Variants in ZNF587 observed in about 807,000 individuals in gnomAD.
ZNF587 encodes zinc finger protein 587, also known as zinc finger protein zfp6.
A neutral mutation model predicts 7.5 loss-of-function variants in ZNF587; 8 were observed. The ratio of observed to expected loss-of-function variants is 1.06; its 90% CI spans 0.62 to 1.92. ZNF587 has a LOEUF of 1.92. ZNF587 is among the 40% of genes most tolerant of loss of function. The probability of loss-of-function intolerance (pLI) is 0.00; values close to 1 mark genes in which losing one functional copy is unlikely to be tolerated. For missense variants in ZNF587, 468 were observed against 692.8 expected, an observed-to-expected ratio of 0.68 and a Z score of 3.64; for synonymous variants, 145 against 237.8, an observed-to-expected ratio of 0.61 and a Z score of 3.59.
chr19:57,850,265 G>A, intron 1 of ZNF587, 194 bp downstream of exon 1: 2 of 856,644 alleles, frequency 2.3e-6, no homozygotes, highest in South Asian at 1.6e-5. Context: ...GCCGATTTAT[G>A]AAGACTGGGG....
Position 57,857,140 on chromosome 19 carries a change from T to A in ZNF587, c.163+907T>A, listed in dbSNP as rs537912014. 55 of 151,922 alleles carry A rather than the reference T, an allele frequency of 3.6e-4. 1 individual carries two copies. The highest frequency in any genetic ancestry group is 3.4e-3 in the Middle Eastern group (1 of 292). 9.4% of individuals were successfully genotyped at this position (151,922 alleles called of 1,614,324 possible). ...TATGTACTGGGTGTGAGATGGAGAG[T>A]CCTCCATGTTTGACAAGATGTGGTT... On this transcript the variant is annotated intron_variant, in intron 2 of 2. Transcript: ENST00000339656.
At chr19:57,852,389 CTG>C (rs1156897235) in intron 1 of ZNF587, 1 of 398,566 alleles carries the variant, frequency 2.5e-6, no homozygotes, top group Admixed American at 4.4e-5. Context: ...GTTGCATAGA[CTG>C]TGGGTTGAGG....
intron 2 of ZNF587, chr19:57,857,353 CAT>C (rs1189146265): frequency 1.3e-5 from 2 of 152,100 alleles, no homozygotes; most frequent in Non-Finnish European, 2.9e-5. Flanking sequence ...GAGAGTTTCA[CAT>C]GTGTTAGTTC....
chr19:57,850,251 C>A, intron 1 of ZNF587, 180 bp downstream of exon 1: 1 of 1,051,900 alleles, frequency 9.5e-7, no homozygotes, highest in Non-Finnish European at 1.4e-6. Context: ...GCTGCCTAGA[C>A]AGAGCCGATT....
chr19:57,852,435 C>T, intron 1 of ZNF587: 1 of 398,630 alleles, frequency 2.5e-6, no homozygotes, highest in Non-Finnish European at 4.4e-6. Context: ...AAGGCTCCTG[C>T]CATAATCCAG....
rs1600115691 is a variant in ZNF587, at chr19:57,849,907, CCT to C, written c.-131_-130del. ...GCGGGTGTTTCCCCAGTTTGTGGCC[CCT>C]GAGTGCTGGGTGGGACCGCGGTGAC... is the stretch of plus-strand genomic sequence containing the variant. On this transcript the variant is annotated 5_prime_UTR_variant, in exon 1 of 3. An upstream open reading frame in the 5' UTR loses its in-frame stop. Transcript: ENST00000339656. 1.5e-5 allele frequency: 23 copies of C among 1,565,084 alleles called. No individual in the cohort carries two copies. The East Asian group carries it at 4.8e-4, about 33-fold the overall frequency.
chr19:57,856,313 C>G lies in ZNF587; in HGVS notation c.163+80C>G. The G allele has an allele frequency of 2.0e-6, 3 of 1,528,464 alleles. No homozygotes were observed. The Admixed American group carries it at 6.3e-5, about 32-fold the overall frequency. The allele number at this position is 1,528,464 out of a possible 1,614,324, so 94.7% of individuals were successfully genotyped here. A position where few individuals can be genotyped will look rare whatever the true frequency, so the allele number is the denominator to read the frequency against. The stretch of plus-strand genomic sequence containing the variant: ...TTTTCATTGACAGGACTGTCTTTCT[C>G]ACCTAAGGAGCCTGGACACAGGTTC... On this transcript the variant is annotated intron_variant, in intron 2 of 2. Coordinates refer to ENST00000339656, the MANE Select transcript of ZNF587 (RefSeq NM_032828.4).
intron 2 of ZNF587, chr19:57,858,258 C>G (rs2071390145): frequency 3.0e-6 from 1 of 336,312 alleles, no homozygotes; most frequent in East Asian, 7.5e-5. Flanking sequence ...TCCCGAGTAG[C>G]TGGGATTACA....
rs2071257895 is a variant in ZNF587 at position 57,849,967 on chromosome 19, G to T, written c.-72G>T. 1.2e-6 allele frequency: 2 copies of T among 1,613,542 alleles called. No homozygotes were observed. Among genetic ancestry groups the T allele is most frequent in the South Asian group, 2.2e-5 (2 of 91,014 alleles). ...AGAAGGTGGAGAGGAATCGTCCTCG[G>T]TGCCCAGAGGCGGCTCTGCAGCCCC... On this transcript the variant is annotated 5_prime_UTR_variant, in exon 1 of 3. Coordinates refer to ENST00000339656, the MANE Select transcript of ZNF587 (RefSeq NM_032828.4).
intron 1 of ZNF587, chr19:57,850,850 T>G (rs1020127069): frequency 5.1e-5 from 16 of 314,502 alleles, no homozygotes; most frequent in Non-Finnish European, 8.1e-5. Flanking sequence ...AGTCATTCCA[T>G]AAGATGTAAA....
At chr19:57,856,520 G>A (rs990273493) in intron 2 of ZNF587, among the ~76,000 whole-genome samples, 5 of 151,436 alleles carry the variant, frequency 3.3e-5, no homozygotes, top group African/African-American at 1.2e-4. Context: ...CCGTTCTCCT[G>A]CCTCAGCCTC....
In ZNF587 at chr19:57,861,896, A is replaced by T. The variant is rs1191445814; in HGVS notation, c.*1756A>T. 2 of 151,094 alleles carry T rather than the reference A, an allele frequency of 1.3e-5. No individual in the cohort carries two copies. Among genetic ancestry groups the T allele is most frequent in the Non-Finnish European group, 2.9e-5 (2 of 68,002 alleles). The allele number at this position is 151,094 out of a possible 1,614,324, so 9.4% of individuals were successfully genotyped here. A position where few individuals can be genotyped will look rare whatever the true frequency, so the allele number is the denominator to read the frequency against. On this transcript the variant is annotated 3_prime_UTR_variant, in exon 3 of 3. Coordinates refer to ENST00000339656, the MANE Select transcript of ZNF587 (RefSeq NM_032828.4). The stretch of plus-strand genomic sequence containing the variant: ...CAAGCGATTCTGCCTCAGCCTCCTG[A>T]GTAGCTGGGACTACAGGCATGTGCC...
At chr19:57,852,876 G>A (rs1473240091) in intron 1 of ZNF587, among the ~76,000 whole-genome samples, 2 of 95,364 alleles carry the variant, frequency 2.1e-5, no homozygotes, top group Non-Finnish European at 3.8e-5. Context: ...TTTTTGAGAC[G>A]GAGTTTCACT....
Position 57,859,491 on chromosome 19 carries a change from CTTT to C in ZNF587, c.1081_1083del (p.Phe361del). On this transcript the variant is annotated inframe_deletion, in exon 3 of 3. Coordinates refer to ENST00000339656, the MANE Select transcript of ZNF587 (RefSeq NM_032828.4). Reference sequence around the variant, plus strand: ...TATCACTGTGGGGAATGTGGGAAATCTTTTCGTCAGAAGTTCTGCTTTATTAAC... The same window carrying C: ...TATCACTGTGGGGAATGTGGGAAATCTCGTCAGAAGTTCTGCTTTATTAAC... 1 of 1,613,148 alleles carries C rather than the reference CTTT, an allele frequency of 6.2e-7. No homozygotes were observed. The highest frequency in any genetic ancestry group is 2.2e-5 in the East Asian group (1 of 44,868).
At chr19:57,855,808 G>A (rs113531319) in intron 1 of ZNF587, among the ~76,000 whole-genome samples, 6,086 of 152,226 alleles carry the variant, frequency 0.04, 173 homozygotes, top group Non-Finnish European at 0.054. Flanking sequence ...AGATCTGCCC[G>A]AATCAGTGTC....
rs2071459186 is a variant in ZNF587 at position 57,863,226 on chromosome 19, C to T, written c.*3086C>T. On this transcript the variant is annotated 3_prime_UTR_variant, in exon 3 of 3. Transcript: ENST00000339656. Reference sequence around the variant, plus strand: ...CTACCTCCTGGATTCAAGCACTTCTCCTTGCCTCAGCCACCTCTTTAGCTG... The same window carrying T: ...CTACCTCCTGGATTCAAGCACTTCTTCTTGCCTCAGCCACCTCTTTAGCTG... 6.6e-6 allele frequency: 1 copy of T among 152,268 alleles called. No individual in the cohort carries two copies. The highest frequency in any genetic ancestry group is 2.4e-5 in the African/African-American group (1 of 41,438). The allele number at this position is 152,268 out of a possible 1,614,324, so 9.4% of individuals were successfully genotyped here.
At chr19:57,858,512 G>C in intron 2 of ZNF587, 64 bp from the exon 3 acceptor site, 1 of 1,550,206 alleles carries the variant, frequency 6.5e-7, no homozygotes, top group Non-Finnish European at 8.7e-7. Flanking sequence ...AGACGTACTT[G>C]TGGGTGGGCT....
In ZNF587 at chr19:57,864,089, T is replaced by C. The variant is rs2071474073; in HGVS notation, c.*3949T>C. On this transcript the variant is annotated 3_prime_UTR_variant, in exon 3 of 3. Coordinates refer to ENST00000339656, the MANE Select transcript of ZNF587 (RefSeq NM_032828.4). ...CCATAAATGTTATACTTTATAACTT[T>C]ATAACAGCATGTTATATGGGCTTAG... 2.0e-5 allele frequency: 3 copies of C among 151,496 alleles called. No homozygotes were observed. In the South Asian group the frequency reaches 6.2e-4, roughly 31 times the overall value. The allele number at this position is 151,496 out of a possible 1,614,324, so 9.4% of individuals were successfully genotyped here. A position where few individuals can be genotyped will look rare whatever the true frequency, so the allele number is the denominator to read the frequency against.
intron 2 of ZNF587, chr19:57,858,095 T>C (rs945168374): frequency 6.2e-6 from 1 of 162,256 alleles, no homozygotes; most frequent in East Asian, 1.8e-4. Flanking sequence ...GTGACCTTTA[T>C]AGCCCAGGAA....
Sources: allele counts gnomAD v4.1 joint callset (sites outside exome capture counted in the v4.1 genomes callset), GRCh38; gene constraint gnomAD v4.1.1; transcripts MANE v1.5; gene names NCBI Gene and HGNC (gene_info 2026-07-23, HGNC 2026-07-21).